The following OPCML variants were observed in gnomAD, a reference collection of about 807,000 sequenced individuals.
OPCML encodes the protein opioid-binding protein/cell adhesion molecule.
A neutral mutation model predicts 37.8 loss-of-function variants in OPCML; 13 were observed. The observed-to-expected ratio is 0.34, with a 90% confidence interval of 0.22 to 0.55. The LOEUF (loss-of-function observed/expected upper bound fraction) is 0.55. OPCML is among the 20% of genes least tolerant of loss of function. The pLI is 0.91. For synonymous variants in OPCML, 176 were observed against 168.8 expected (o/e 1.04, Z -0.33); for missense variants, 341 against 435.6 (o/e 0.78, Z 1.93).
At chr11:132,676,789 G>GAAAAAAAAAAAAAAAAAAAA (rs1196087295) in intron 2 of OPCML, among the ~76,000 whole-genome samples, 1 of 93,780 alleles carries the variant, frequency 1.1e-5, no homozygotes, top group African/African-American at 3.4e-5. Flanking sequence ...AAACAAACAA[G>GAAAAAAAAAAAAAAAAAAAA]AAAAAAAAAA....
intron 3 of OPCML, among the ~76,000 whole-genome samples, chr11:132,604,829 G>A (rs1277378213): frequency 6.6e-6 from 1 of 152,154 alleles, no homozygotes; most frequent in Non-Finnish European, 1.5e-5. Context: ...TGGCTTAATT[G>A]ATGTAGAGGG....
At chr11:132,764,508 C>T (rs143593498) in intron 2 of OPCML, among the ~76,000 whole-genome samples, 78 of 152,278 alleles carry the variant, frequency 5.1e-4, no homozygotes, top group African/African-American at 1.7e-3. Flanking sequence ...GCTTAACCTC[C>T]GGGGATCAGG....
intron 1 of OPCML, among the ~76,000 whole-genome samples, chr11:133,521,819 G>A (rs1167624512): frequency 2.6e-5 from 4 of 151,898 alleles, no homozygotes; most frequent in African/African-American, 9.7e-5. Flanking sequence ...ATGTTCAGGA[G>A]AACCAGGTTA....
intron 1 of OPCML, among the ~76,000 whole-genome samples, chr11:133,052,295 A>G (rs182850754): frequency 6.6e-6 from 1 of 152,382 alleles, no homozygotes; most frequent in East Asian, 1.9e-4. Flanking sequence ...CAAGTGAAAC[A>G]GACCAGCATT....
chr11:132,626,914 A>G, intron 3 of OPCML, among the ~76,000 whole-genome samples: 1 of 148,532 alleles, frequency 6.7e-6, no homozygotes, highest in Middle Eastern at 3.5e-3. Flanking sequence ...TATAAAACAT[A>G]TATAAAGCTT....
At chr11:133,243,279 T>C (rs1038595495) in intron 1 of OPCML, among the ~76,000 whole-genome samples, 2 of 151,876 alleles carry the variant, frequency 1.3e-5, no homozygotes, top group African/African-American at 4.8e-5. Context: ...TGGAGTGGGG[T>C]TCCTGCAGTG....
At chr11:133,097,807 T>A (rs1362646364) in intron 1 of OPCML, among the ~76,000 whole-genome samples, 5 of 152,128 alleles carry the variant, frequency 3.3e-5, no homozygotes, top group Non-Finnish European at 5.9e-5. Context: ...TGCCAAAACT[T>A]ACACAAGAAG....
chr11:132,560,476 C>T (rs1422366888), intron 3 of OPCML, among the ~76,000 whole-genome samples: 3 of 152,144 alleles, frequency 2.0e-5, no homozygotes, highest in Non-Finnish European at 4.4e-5. Context: ...GTGCACAGTA[C>T]CCAATGTGTA....
intron 1 of OPCML, among the ~76,000 whole-genome samples, chr11:133,358,774 G>A (rs1944348038): frequency 2.0e-5 from 3 of 152,114 alleles, no homozygotes; most frequent in Admixed American, 6.5e-5. Flanking sequence ...TGCCTGACTC[G>A]CTGGCATTTG....
At chr11:132,942,765 G>A (rs527470456) in intron 2 of OPCML, among the ~76,000 whole-genome samples, 161 bp downstream of exon 2, 4 of 152,300 alleles carry the variant, frequency 2.6e-5, no homozygotes, top group African/African-American at 9.6e-5. Flanking sequence ...CTGTCCAGGG[G>A]CACGGCAGTC....
At chr11:132,767,485 T>C (rs958302330) in intron 2 of OPCML, among the ~76,000 whole-genome samples, 5 of 152,190 alleles carry the variant, frequency 3.3e-5, no homozygotes, top group Non-Finnish European at 7.4e-5. Context: ...TGAACTTCCA[T>C]TTAGCCGACA....
chr11:133,457,043 A>G (rs1232871724), intron 1 of OPCML, among the ~76,000 whole-genome samples: 3 of 152,176 alleles, frequency 2.0e-5, no homozygotes, highest in Admixed American at 2.0e-4. Context: ...CAACCCAAAG[A>G]GACCAACCCC....
intron 1 of OPCML, among the ~76,000 whole-genome samples, chr11:133,232,247 A>G (rs1225053168): frequency 6.6e-6 from 1 of 152,056 alleles, no homozygotes; most frequent in Non-Finnish European, 1.5e-5. Flanking sequence ...TCTCAAGGAA[A>G]AAAGATAAAA....
chr11:132,585,224 G>T (rs2096470070), intron 3 of OPCML, among the ~76,000 whole-genome samples: 2 of 152,042 alleles, frequency 1.3e-5, no homozygotes, highest in East Asian at 1.9e-4. Context: ...GGACTATTTG[G>T]TCTCAAATTC....
At chr11:132,642,901 C>T (rs1331834639) in intron 3 of OPCML, among the ~76,000 whole-genome samples, 1 of 152,076 alleles carries the variant, frequency 6.6e-6, no homozygotes, top group Non-Finnish European at 1.5e-5. Context: ...AGGCTTTAGC[C>T]AACATTAGTA....
chr11:132,491,231 G>A (rs1265337323), intron 4 of OPCML, among the ~76,000 whole-genome samples: 5 of 152,224 alleles, frequency 3.3e-5, no homozygotes, highest in Non-Finnish European at 7.3e-5. Flanking sequence ...CTTTTAAAGA[G>A]TGAGTCAGCT....
rs146869987 is a variant in OPCML, at chr11:132,754,832, A to G, written c.147-97513T>C. 3.9e-3 allele frequency among the ~76,000 whole-genome samples: 600 copies of G among 152,266 alleles called. 7 individuals are homozygous for G. Among genetic ancestry groups the G allele is most frequent in the African/African-American group, 0.014 (576 of 41,566 alleles). ...AAGACCTCAAGCAAAGACATTGGAA[A>G]TGACTTGGCTAGTTTCTGGAAATCA... On this transcript the variant is annotated intron_variant, in intron 2 of 7. Transcript: ENST00000524381.
At chr11:132,539,422 C>A (rs1340560853) in intron 3 of OPCML, among the ~76,000 whole-genome samples, 1 of 152,096 alleles carries the variant, frequency 6.6e-6, no homozygotes, top group Admixed American at 6.6e-5. Flanking sequence ...CAGGTAGAGC[C>A]CAGAACTTAC....
intron 1 of OPCML, among the ~76,000 whole-genome samples, chr11:133,353,279 G>T (rs1208283009): frequency 2.6e-5 from 4 of 151,952 alleles, no homozygotes; most frequent in African/African-American, 9.7e-5. Context: ...CAATTCTCTG[G>T]CCTCAGCCTC....
Sources: gnomAD v4.1 joint callset for allele counts (sites outside exome capture counted in the v4.1 genomes callset) on GRCh38, gnomAD v4.1.1 for gene constraint, MANE v1.5 for transcripts, NCBI Gene and HGNC (gene_info 2026-07-23, HGNC 2026-07-21) for gene names.